The following SLC2A7 variants were observed in gnomAD, a reference collection of about 807,000 sequenced individuals.
SLC2A7 encodes the protein solute carrier family 2 member 7.
SLC2A7 carries 50 observed loss-of-function variants against 50.5 expected under a neutral mutation model. The ratio of observed to expected loss-of-function variants is 0.99; its 90% CI spans 0.79 to 1.25. The LOEUF (loss-of-function observed/expected upper bound fraction) is 1.25. Among genes scored for constraint, SLC2A7 ranks in the 50% most tolerant of loss-of-function variants. SLC2A7 has a pLI of 0.00. For missense variants in SLC2A7, 683 were observed against 679.1 expected (o/e 1.01, Z -0.06); for synonymous variants, 308 against 300.4 (o/e 1.03, Z -0.26).
In SLC2A7 at chr1:9,009,241, C is replaced by T. The variant is rs547515903; in HGVS notation, c.1116+902G>A. Among the ~76,000 whole-genome samples, 6 of 152,338 alleles carry T rather than the reference C, an allele frequency of 3.9e-5. No homozygotes were observed. The South Asian group carries it at 8.3e-4, about 21-fold the overall frequency. On this transcript the variant is annotated intron_variant, in intron 9 of 11. Coordinates refer to ENST00000400906, the MANE Select transcript of SLC2A7 (RefSeq NM_207420.3). ...TTGAAAGGGCTCAGGACAGTGCTGC[C>T]GTTCCTGCACAAGCAACAGCAAAGA...
At chr1:9,013,277 G>A (rs1354447619) in intron 8 of SLC2A7, among the ~76,000 whole-genome samples, 2 of 152,162 alleles carry the variant, frequency 1.3e-5, no homozygotes, top group Non-Finnish European at 2.9e-5. Flanking sequence ...TGATCTGCTC[G>A]CCTTGGCCTT....
downstream of SLC2A7, among the ~76,000 whole-genome samples, chr1:8,999,796 G>A (rs1237545639): frequency 2.0e-5 from 3 of 152,318 alleles, no homozygotes; most frequent in African/African-American, 2.4e-5. Context: ...TCAGCCACAG[G>A]ACCTGCTGGA....
At chr1:9,018,113 C>T (rs550654039) in intron 5 of SLC2A7, 110 bp downstream of exon 5, 2 of 1,464,802 alleles carry the variant, frequency 1.4e-6, no homozygotes, top group East Asian at 4.7e-5. Context: ...CTGCCCAACA[C>T]CTGACCCTAA....
intron 5 of SLC2A7, among the ~76,000 whole-genome samples, 156 bp downstream of exon 5, chr1:9,018,067 G>A (rs1640856185): frequency 6.6e-6 from 1 of 151,954 alleles, no homozygotes; most frequent in Admixed American, 6.6e-5. Context: ...CACCAAAACA[G>A]CCCCGACCAC....
chr1:8,995,619 C>A, the SLC2A7 span, among the ~76,000 whole-genome samples: 1 of 151,938 alleles, frequency 6.6e-6, no homozygotes, highest in Non-Finnish European at 1.5e-5. Context: ...GTGGCAGGTG[C>A]CTGTAATCCC....
chr1:9,012,211 CA>C (rs1427803667), intron 8 of SLC2A7, among the ~76,000 whole-genome samples: 1 of 152,192 alleles, frequency 6.6e-6, no homozygotes, highest in Non-Finnish European at 1.5e-5. Flanking sequence ...AAGTGCACCC[CA>C]AAAATCAGGG....
At chr1:9,018,487 G>T in intron 4 of SLC2A7, 112 bp from the exon 5 acceptor site, 3 of 1,438,634 alleles carry the variant, frequency 2.1e-6, no homozygotes, top group Non-Finnish European at 1.9e-6. Context: ...CAGCCCCTCC[G>T]TGGAGATGGA....
chr1:9,010,108 A>T, intron 9 of SLC2A7, 35 bp downstream of exon 9: 4 of 1,507,844 alleles, frequency 2.7e-6, no homozygotes, highest in African/African-American at 1.4e-5. Context: ...CCTCCCCATG[A>T]CTCCCCACCC....
chr1:9,010,018 A>G, intron 9 of SLC2A7, 125 bp downstream of exon 9: 1 of 806,564 alleles, frequency 1.2e-6, no homozygotes. Context: ...GTACTTTTCC[A>G]GGCAGGATGC....
chr1:9,018,402 G>T, intron 4 of SLC2A7, 27 bp from the exon 5 acceptor site: 3 of 1,612,958 alleles, frequency 1.9e-6, no homozygotes, highest in Non-Finnish European at 2.5e-6. Context: ...AGAAATCAGG[G>T]CAGGCAAACC....
rs765874435 is a variant in SLC2A7 at position 9,004,873 on chromosome 1, A to C, written c.1199T>G (p.Val400Gly). ...GATCTCGGTCCTCACCACCGAGGGG[A>C]CAGGACCTGGAGGGCAGAGCAGGAT... ...IAGHSIGPSP[V>G]PSVVRTEIFL... The change falls in exon 11 of 12, where the codon GTC becomes GGC. Residue 400 changes from valine to glycine, a missense_variant. By Grantham distance (109) the Val-to-Gly change is moderately radical. Transcript: ENST00000400906. The C allele has an allele frequency of 6.2e-7, 1 of 1,613,668 alleles. No homozygotes were observed. Among genetic ancestry groups the C allele is most frequent in the Admixed American group, 1.7e-5 (1 of 59,972 alleles).
downstream of SLC2A7, among the ~76,000 whole-genome samples, chr1:9,000,254 T>C (rs1362415770): frequency 6.6e-6 from 1 of 151,930 alleles, no homozygotes; most frequent in Non-Finnish European, 1.5e-5. Context: ...GCCAAGAAGT[T>C]CCAGGCTGCA....
chr1:9,006,216 T>C (rs1640651678), intron 10 of SLC2A7, among the ~76,000 whole-genome samples: 1 of 152,150 alleles, frequency 6.6e-6, no homozygotes, highest in Non-Finnish European at 1.5e-5. Flanking sequence ...GCCTCCACGT[T>C]TGAGGTACAC....
intron 1 of SLC2A7, 59 bp downstream of exon 1, chr1:9,026,236 A>G: frequency 6.4e-7 from 1 of 1,564,626 alleles, no homozygotes; most frequent in South Asian, 1.2e-5. Context: ...ACCTCCCTCC[A>G]CAGGTCTGCA....
rs1407353107 is a variant in SLC2A7 at position 9,015,237 on chromosome 1, GC to G, written c.594del (p.Trp198CysfsTer17). 7.5e-6 allele frequency: 12 copies of G among 1,593,800 alleles called. No individual in the cohort carries two copies. The African/African-American group carries it at 1.6e-4, about 21-fold the overall frequency. ...ACCCCTGTGAGCGCCAGAAGCACCG[GC>G]CAGCCTGCAAGGAGCCAAGGACTCA... Reference protein sequence around the residue: ...LQAILGNPAGWPVLLALTGVP... With the variant: ...LQAILGNPAGXPVLLALTGVP... On this transcript the variant is annotated frameshift_variant, in exon 6 of 12. Coordinates refer to ENST00000400906, the MANE Select transcript of SLC2A7 (RefSeq NM_207420.3). LOFTEE classifies it high-confidence loss of function.
intron 9 of SLC2A7, among the ~76,000 whole-genome samples, chr1:9,009,684 C>T (rs12126931): frequency 0.34 from 51,708 of 151,882 alleles, 8,945 homozygotes; most frequent in Admixed American, 0.43. Context: ...TCTTGAGCTC[C>T]TGGGCTCAAT....
rs533171731 is a variant in SLC2A7, at chr1:9,019,890, C to T, written c.312-557G>A. ...AGTGAGCCGAGATCGTGCCACTGCACTCCATCCAGAGCCACAGAGCAAGAC... is the reference window on the plus strand; with the variant it reads ...AGTGAGCCGAGATCGTGCCACTGCATTCCATCCAGAGCCACAGAGCAAGAC... On this transcript the variant is annotated intron_variant, in intron 3 of 11. Transcript: ENST00000400906. 3.3e-5 allele frequency among the ~76,000 whole-genome samples: 5 copies of T among 152,132 alleles called. No homozygotes were observed. In the South Asian group the frequency reaches 1.0e-3, roughly 32 times the overall value.
At chr1:9,006,274 T>C (rs1462225321) in intron 10 of SLC2A7, among the ~76,000 whole-genome samples, 1 of 152,128 alleles carries the variant, frequency 6.6e-6, no homozygotes, top group African/African-American at 2.4e-5. Context: ...CTTTATTTTT[T>C]AGACAGAGTC....
At chr1:8,997,686 C>T in the SLC2A7 span, among the ~76,000 whole-genome samples, 4 of 152,172 alleles carry the variant, frequency 2.6e-5, no homozygotes, top group Admixed American at 6.5e-5. Flanking sequence ...GCATGAGCCA[C>T]GGCGCCCGGC....
Sources: allele counts gnomAD v4.1 joint callset (sites outside exome capture counted in the v4.1 genomes callset), GRCh38; gene constraint gnomAD v4.1.1; transcripts MANE v1.5; gene names NCBI Gene and HGNC (gene_info 2026-07-23, HGNC 2026-07-21).